The following GTF2H5 variants were observed in gnomAD, a reference collection of about 807,000 sequenced individuals.
The protein encoded by GTF2H5 is general transcription factor IIH subunit 5, also known as TFB5 ortholog.
Under a neutral mutation model 7.1 loss-of-function variants are expected in GTF2H5, and 5 were observed. That is an observed-to-expected ratio of 0.71 (90% CI 0.37 to 1.49). The LOEUF is 1.49. Ranked by LOEUF, GTF2H5 falls within the 40% of genes most tolerant of loss-of-function variation. The probability of loss-of-function intolerance (pLI) is 0.03; values close to 1 mark genes in which losing one functional copy is unlikely to be tolerated. For missense variants in GTF2H5, 80 were observed against 83.0 expected (o/e 0.96, Z 0.14); for synonymous variants, 30 against 31.7 (o/e 0.95, Z 0.18).
At chr6:158,175,047 TACACAC>T (rs1157220845) in intron 2 of GTF2H5, among the ~76,000 whole-genome samples, 5 of 150,484 alleles carry the variant, frequency 3.3e-5, no homozygotes, top group Admixed American at 6.6e-5. Flanking sequence ...TGTGTGTGTA[TACACAC>T]ACACACACAT....
intron 2 of GTF2H5, among the ~76,000 whole-genome samples, chr6:158,184,261 CAT>C (rs1333367322): frequency 2.6e-5 from 4 of 151,744 alleles, no homozygotes; most frequent in African/African-American, 4.8e-5. Flanking sequence ...AAAGGAAAAA[CAT>C]GTGAAGGAGG....
intron 2 of GTF2H5, among the ~76,000 whole-genome samples, chr6:158,183,651 A>G (rs1358570896): frequency 2.6e-5 from 4 of 152,136 alleles, no homozygotes; most frequent in Non-Finnish European, 2.9e-5. Flanking sequence ...TCCCAAGTCA[A>G]TCTCAGACGC....
Position 158,192,107 on chromosome 6 carries a change from C to T in GTF2H5, c.166C>T (p.Arg56Ter), listed in dbSNP as rs121434364. 56 of 1,613,508 alleles carry T rather than the reference C, an allele frequency of 3.5e-5. No homozygotes were observed. Among genetic ancestry groups the T allele is most frequent in the Non-Finnish European group, 4.3e-5 (51 of 1,179,792 alleles). The change falls in exon 3 of 3, where the codon CGA becomes TGA. Residue 56 changes from arginine (R) to a stop codon, truncating the protein, a stop_gained. Transcript: ENST00000607778. LOFTEE classifies it high-confidence loss of function. ...IAELVNVLQE[R>*]VGELMDQNAF... ...AGAATTGGTTAATGTCCTCCAGGAG[C>T]GAGTGGGTGAATTAATGGACCAAAA... is the stretch of plus-strand genomic sequence containing the variant.
At chr6:158,173,325 A>C (rs1290176033) in intron 2 of GTF2H5, among the ~76,000 whole-genome samples, 1 of 152,202 alleles carries the variant, frequency 6.6e-6, no homozygotes, top group Admixed American at 6.5e-5. Context: ...TCCCAAAAAC[A>C]CAAGTCTTCC....
intron 2 of GTF2H5, 56 bp from the exon 3 acceptor site, chr6:158,191,919 GTC>G (rs1777034920): frequency 1.5e-6 from 2 of 1,341,466 alleles, no homozygotes; most frequent in South Asian, 2.3e-5. Flanking sequence ...AATTGCTCAA[GTC>G]TCTGTGATGT....
In GTF2H5 at chr6:158,192,217, C is replaced by A; in HGVS notation, c.*60C>A. ...CAGCAACTGTGAAAGACTTGCCACT[C>A]AATATCTTAGGTGACTGATTAGACA... On this transcript the variant is annotated 3_prime_UTR_variant, in exon 3 of 3. Coordinates refer to ENST00000607778, the MANE Select transcript of GTF2H5 (RefSeq NM_207118.3). 1 of 1,314,152 alleles carries A rather than the reference C, an allele frequency of 7.6e-7. No individual in the cohort carries two copies. Among genetic ancestry groups the A allele is most frequent in the Non-Finnish European group, 1.1e-6 (1 of 911,940 alleles). 81.4% of individuals were successfully genotyped at this position (1,314,152 alleles called of 1,614,324 possible). A position where few individuals can be genotyped will look rare whatever the true frequency, so the allele number is the denominator to read the frequency against.
chr6:158,169,740 A>ATATATTG lies in GTF2H5; in HGVS notation c.-34-724_-34-723insGTATATT, dbSNP rs1562469384. Among the ~76,000 whole-genome samples, 73 of 40,444 alleles carry ATATATTG rather than the reference A, an allele frequency of 1.8e-3. 5 individuals are homozygous for ATATATTG. Among genetic ancestry groups the ATATATTG allele is most frequent in the Admixed American group, 3.9e-3 (8 of 2,054 alleles). 26.5% of individuals were successfully genotyped at this position (40,444 alleles called of 152,430 possible). A position where few individuals can be genotyped will look rare whatever the true frequency, so the allele number is the denominator to read the frequency against. ...TATATTATATAATATATTGTATATTATATATTATATAATATATTGTATATT... is the reference window on the plus strand; with the variant it reads ...TATATTATATAATATATTGTATATTATATATTGTATATTATATAATATATTGTATATT... On this transcript the variant is annotated intron_variant, in intron 1 of 2. Transcript: ENST00000607778.
intron 2 of GTF2H5, among the ~76,000 whole-genome samples, chr6:158,174,174 C>T (rs933578684): frequency 6.6e-6 from 1 of 152,136 alleles, no homozygotes; most frequent in Non-Finnish European, 1.5e-5. Flanking sequence ...CTGCTGAATT[C>T]CTATCTCACA....
At chr6:158,189,981 T>C (rs900880167) in intron 2 of GTF2H5, among the ~76,000 whole-genome samples, 4 of 152,138 alleles carry the variant, frequency 2.6e-5, no homozygotes, top group Non-Finnish European at 4.4e-5. Flanking sequence ...ACTCTTTGGG[T>C]TTTCTTTCTA....
chr6:158,185,650 C>T (rs1776906962), intron 2 of GTF2H5, among the ~76,000 whole-genome samples: 1 of 152,064 alleles, frequency 6.6e-6, no homozygotes, highest in Non-Finnish European at 1.5e-5. Flanking sequence ...GCATATTTCC[C>T]CAAGTGTGCG....
rs551101238 is a variant in GTF2H5, at chr6:158,196,971, C to T, written c.*4814C>T. 1 of 152,324 alleles carries T rather than the reference C, an allele frequency of 6.6e-6. No individual in the cohort carries two copies. Among genetic ancestry groups the T allele is most frequent in the African/African-American group, 2.4e-5 (1 of 41,566 alleles). The allele number at this position is 152,324 out of a possible 1,614,324, so 9.4% of individuals were successfully genotyped here. A position where few individuals can be genotyped will look rare whatever the true frequency, so the allele number is the denominator to read the frequency against. Reference sequence around the variant, plus strand: ...ATCTGACTGAAAAATTAAAGTTGAGCACACTTTCCACTCAATGGATACCAA... The same window carrying T: ...ATCTGACTGAAAAATTAAAGTTGAGTACACTTTCCACTCAATGGATACCAA... On this transcript the variant is annotated 3_prime_UTR_variant, in exon 3 of 3. Transcript: ENST00000607778.
chr6:158,188,693 T>C (rs1776972503), intron 2 of GTF2H5, among the ~76,000 whole-genome samples: 1 of 152,172 alleles, frequency 6.6e-6, no homozygotes, highest in Non-Finnish European at 1.5e-5. Flanking sequence ...AAGTTTAACA[T>C]TTTTTTGTAT....
At position 158,169,553 on chromosome 6, in the gene GTF2H5, A is replaced by ATATTATATATAATATACTG. The variant is rs1785759467; in HGVS notation, c.-34-901_-34-900insCTGTATTATATATAATATA. On this transcript the variant is annotated intron_variant, in intron 1 of 2. Coordinates refer to ENST00000607778, the MANE Select transcript of GTF2H5 (RefSeq NM_207118.3). Reference sequence around the variant, plus strand: ...CAGTATATTATATATAATATACTGTATATTATATATAATATATTGTATATT... The same window carrying ATATTATATATAATATACTG: ...CAGTATATTATATATAATATACTGTATATTATATATAATATACTGTATTATATATAATATATTGTATATT... Among the ~76,000 whole-genome samples the ATATTATATATAATATACTG allele has an allele frequency of 2.1e-5, 2 of 93,328 alleles. 1 individual carries two copies. Among genetic ancestry groups the ATATTATATATAATATACTG allele is most frequent in the African/African-American group, 8.7e-5 (2 of 22,880 alleles). 61.2% of individuals were successfully genotyped at this position (93,328 alleles called of 152,430 possible). A position where few individuals can be genotyped will look rare whatever the true frequency, so the allele number is the denominator to read the frequency against.
At position 158,192,362 on chromosome 6, in the gene GTF2H5, A is replaced by G. The variant is rs1214019948; in HGVS notation, c.*205A>G. ...GAATTTAAAAAAAAAAAAAGCTTTAACAGTTGGCTGTAATTTGGCTTTTAT... is the reference window on the plus strand; with the variant it reads ...GAATTTAAAAAAAAAAAAAGCTTTAGCAGTTGGCTGTAATTTGGCTTTTAT... On this transcript the variant is annotated 3_prime_UTR_variant, in exon 3 of 3. Transcript: ENST00000607778. 3 of 544,376 alleles carry G rather than the reference A, an allele frequency of 5.5e-6. No homozygotes were observed. The highest frequency in any genetic ancestry group is 9.8e-6 in the Non-Finnish European group (3 of 305,386). The allele number at this position is 544,376 out of a possible 1,614,324, so 33.7% of individuals were successfully genotyped here.
At position 158,195,591 on chromosome 6, in the gene GTF2H5, A is replaced by C. The variant is rs148181533; in HGVS notation, c.*3434A>C. 5.4e-4 allele frequency: 83 copies of C among 152,352 alleles called. No homozygotes were observed. The highest frequency in any genetic ancestry group is 1.9e-3 in the African/African-American group (78 of 41,584). 9.4% of individuals were successfully genotyped at this position (152,352 alleles called of 1,614,324 possible). ...GATAGGCATTATAGGTGGTAATCCA[A>C]ATGATTAATGATTTTATTGCTCTTT... On this transcript the variant is annotated 3_prime_UTR_variant, in exon 3 of 3. Transcript: ENST00000607778.
chr6:158,184,586 C>A (rs1583635180), intron 2 of GTF2H5, among the ~76,000 whole-genome samples: 1 of 152,212 alleles, frequency 6.6e-6, no homozygotes, highest in South Asian at 2.1e-4. Context: ...TCTAGACACC[C>A]ATATCTCAGA....
intron 2 of GTF2H5, among the ~76,000 whole-genome samples, chr6:158,175,910 C>T (rs1173694612): frequency 6.6e-6 from 1 of 152,110 alleles, no homozygotes; most frequent in Non-Finnish European, 1.5e-5. Context: ...TTAAGTGATT[C>T]AGGGAAATGA....
In GTF2H5 at chr6:158,190,750, C is replaced by T. The variant is rs1043674190; in HGVS notation, c.36-1227C>T. On this transcript the variant is annotated intron_variant, in intron 2 of 2. Transcript: ENST00000607778. ...TTGTTACCTTTACAATTGATATTGA[C>T]ATTTCTCAAGACACCAAAAGATTAT... 9.0e-5 allele frequency: 35 copies of T among 387,924 alleles called. No individual in the cohort carries two copies. The Admixed American group carries it at 1.2e-3, about 13-fold the overall frequency. 24.0% of individuals were successfully genotyped at this position (387,924 alleles called of 1,614,324 possible). A position where few individuals can be genotyped will look rare whatever the true frequency, so the allele number is the denominator to read the frequency against.
rs141343872 is a variant in GTF2H5 at position 158,194,250 on chromosome 6, A to G, written c.*2093A>G. The G allele has an allele frequency of 2.3e-4, 35 of 152,292 alleles. No homozygotes were observed. In the East Asian group the frequency reaches 5.6e-3, roughly 24 times the overall value. The allele number at this position is 152,292 out of a possible 1,614,324, so 9.4% of individuals were successfully genotyped here. The stretch of plus-strand genomic sequence containing the variant: ...ACAGTGACTGTGTTGTACCCGAGCA[A>G]GTTAGAGGAACGCCACACTTTGAGA... On this transcript the variant is annotated 3_prime_UTR_variant, in exon 3 of 3. Transcript: ENST00000607778.
Sources: gnomAD v4.1 joint callset for allele counts (sites outside exome capture counted in the v4.1 genomes callset) on GRCh38, gnomAD v4.1.1 for gene constraint, MANE v1.5 for transcripts, NCBI Gene and HGNC (gene_info 2026-07-23, HGNC 2026-07-21) for gene names.